The following CMC4 variants were observed in gnomAD, a reference collection of about 807,000 sequenced individuals.
CMC4 encodes the protein cx9C motif-containing protein 4.
In CMC4, 4 loss-of-function variants were observed where a neutral mutation model predicts 5.1. That is an observed-to-expected ratio of 0.78 (90% CI 0.38 to 1.78). The LOEUF is 1.78. Among genes scored for constraint, CMC4 ranks in the 40% most tolerant of loss-of-function variants. The pLI is 0.04. For synonymous variants in CMC4, 23 were observed against 18.9 expected (o/e 1.22, Z -0.57); for missense variants, 52 against 51.3 (o/e 1.01, Z -0.04).
intron 1 of CMC4, chrX:155,065,216 A>G (rs1602749167): frequency 5.4e-6 from 2 of 368,283 alleles, no homozygotes; most frequent in Non-Finnish European, 9.4e-6. Context: ...CTGCCTACGT[A>G]ACCTCTCTCT....
chrX:155,062,202 T>C, intron 2 of CMC4, among the ~76,000 whole-genome samples: 1 of 112,609 alleles, frequency 8.9e-6, no homozygotes, highest in Non-Finnish European at 1.9e-5. Context: ...TTGAAAGCTA[T>C]TTTAATATAT....
chrX:155,061,662 T>A lies in CMC4; in HGVS notation c.*181A>T. 2.1e-6 allele frequency: 1 copy of A among 486,833 alleles called. No homozygotes were observed. The highest frequency in any genetic ancestry group is 3.2e-6 in the Non-Finnish European group (1 of 308,429). The allele number at this position is 486,833 out of a possible 1,213,427, so 40.1% of individuals were successfully genotyped here. A position where few individuals can be genotyped will look rare whatever the true frequency, so the allele number is the denominator to read the frequency against. On this transcript the variant is annotated 3_prime_UTR_variant, in exon 3 of 3. Coordinates refer to ENST00000369484, the MANE Select transcript of CMC4 (RefSeq NM_001018024.3). ...GGTTTATTTTAGCAGCTCAGTATAT[T>A]ACATTCTACATATTTGTCTTTTAAT...
chrX:155,061,702 G>A lies in CMC4; in HGVS notation c.*141C>T. ...TGTCTTTTAATGTGTTTATATTTCT[G>A]CCTGTTCTGCATAGATGGCATATTC... is the stretch of plus-strand genomic sequence containing the variant. On this transcript the variant is annotated 3_prime_UTR_variant, in exon 3 of 3. Transcript: ENST00000369484. The A allele has an allele frequency of 1.7e-6, 1 of 604,364 alleles. No individual in the cohort carries two copies. The highest frequency in any genetic ancestry group is 2.3e-5 in the African/African-American group (1 of 43,975). 49.8% of individuals were successfully genotyped at this position (604,364 alleles called of 1,213,427 possible). A position where few individuals can be genotyped will look rare whatever the true frequency, so the allele number is the denominator to read the frequency against.
intron 2 of CMC4, 107 bp downstream of exon 2, chrX:155,063,859 A>G: frequency 1.7e-6 from 1 of 588,899 alleles, no homozygotes; most frequent in Non-Finnish European, 2.7e-6. Flanking sequence ...ATAATTACAT[A>G]TACGTTACAT....
chrX:155,069,461 G>A (rs2073961237), intron 1 of CMC4, among the ~76,000 whole-genome samples: 1 of 112,002 alleles, frequency 8.9e-6, no homozygotes, highest in South Asian at 3.7e-4. Flanking sequence ...TCTTTATTTA[G>A]CATTTCCTAT....
chrX:155,065,793 A>G (rs781833703), intron 1 of CMC4: 1 of 1,208,260 alleles, frequency 8.3e-7, no homozygotes, highest in Admixed American at 2.2e-5. Context: ...TCGTCTCCTA[A>G]TGGAAAGGAA....
At chrX:155,065,956 C>G in intron 1 of CMC4, 1 of 1,211,934 alleles carries the variant, frequency 8.3e-7, no homozygotes, top group Non-Finnish European at 1.1e-6. Context: ...CGGTAGATAC[C>G]CTCTTGGTGA....
Position 155,061,905 on chromosome X carries a change from C to A in CMC4, c.145G>T (p.Val49Phe). 1 of 1,211,534 alleles carries A rather than the reference C, an allele frequency of 8.3e-7. No homozygotes were observed. Among genetic ancestry groups the A allele is most frequent in the Non-Finnish European group, 1.1e-6 (1 of 895,319 alleles). Residue 49 changes from valine (V) to phenylalanine (F), a missense_variant, in exon 3 of 3, where the codon GTC becomes TTC. Val to Phe is a conservative substitution (Grantham distance 50, BLOSUM62 -1). Coordinates refer to ENST00000369484, the MANE Select transcript of CMC4 (RefSeq NM_001018024.3). ...TCTTCTTTTTCAAATCCTGAACAGACGACAGATCTTCCCTTGGGATACTGA... is the reference window on the plus strand; with the variant it reads ...TCTTCTTTTTCAAATCCTGAACAGAAGACAGATCTTCCCTTGGGATACTGA... ...CAQYPKGRSV[V>F]CSGFEKEEEE...
At chrX:155,067,281 T>C (rs960938201) in intron 1 of CMC4, among the ~76,000 whole-genome samples, 6 of 112,005 alleles carry the variant, frequency 5.4e-5, no homozygotes, top group Non-Finnish European at 9.4e-5. Flanking sequence ...GCTCTCTCAT[T>C]TCAAACTCGT....
chrX:155,064,006 C>T lies in CMC4; in HGVS notation c.18G>A (p.Pro6=), dbSNP rs782263588. ...GTATCTCACAGGCTTGCTTCTGGCA[C>T]GGATCCTTCTGCGGCATATCCAGAA... MPQKD[P]CQKQACEIQK... The change falls in exon 2 of 3, where the codon CCG becomes CCA. Residue 6 remains proline (P), a synonymous_variant. Coordinates refer to ENST00000369484, the MANE Select transcript of CMC4 (RefSeq NM_001018024.3). 1.8e-5 allele frequency: 22 copies of T among 1,193,031 alleles called. No homozygotes were observed. Among genetic ancestry groups the T allele is most frequent in the African/African-American group, 1.1e-4 (6 of 56,184 alleles).
intron 1 of CMC4, chrX:155,065,884 T>G (rs1487252798): frequency 8.3e-7 from 1 of 1,202,064 alleles, no homozygotes; most frequent in Non-Finnish European, 1.1e-6. Flanking sequence ...ATCAAAGAAA[T>G]AAGCAAAATG....
intron 2 of CMC4, among the ~76,000 whole-genome samples, chrX:155,062,373 T>C (rs782096598): frequency 4.5e-5 from 5 of 112,150 alleles, no homozygotes; most frequent in Non-Finnish European, 7.5e-5. Flanking sequence ...CCTCCCCTAC[T>C]AAGGCTGTGC....
intron 1 of CMC4, among the ~76,000 whole-genome samples, chrX:155,068,012 A>C (rs12558406): frequency 1.9e-3 from 212 of 112,423 alleles, no homozygotes; most frequent in South Asian, 3.3e-3. Context: ...AGAAATACAA[A>C]TAAAAACCTG....
chrX:155,064,248 G>T, intron 1 of CMC4: 1 of 270,174 alleles, frequency 3.7e-6, no homozygotes, highest in Non-Finnish European at 6.6e-6. Flanking sequence ...GCTTTACATG[G>T]AAAAAAAACC....
At chrX:155,069,188 A>T (rs1369109947) in intron 1 of CMC4, among the ~76,000 whole-genome samples, 1 of 112,944 alleles carries the variant, frequency 8.9e-6, no homozygotes, top group Non-Finnish European at 1.9e-5. Flanking sequence ...TGTCTTTTTT[A>T]AAAAAGTATA....
chrX:155,065,556 T>G, intron 1 of CMC4: 3 of 1,210,134 alleles, frequency 2.5e-6, no homozygotes, highest in Non-Finnish European at 3.4e-6. Flanking sequence ...AAAAGAAAAG[T>G]TTATGGAGTA....
chrX:155,065,275 C>T, intron 1 of CMC4: 1 of 436,064 alleles, frequency 2.3e-6, no homozygotes, highest in South Asian at 4.0e-5. Context: ...ACTTCTGTTT[C>T]TTGAGCAGTT....
intron 1 of CMC4, among the ~76,000 whole-genome samples, chrX:155,066,451 A>G (rs1200694102): frequency 2.7e-5 from 3 of 112,687 alleles, no homozygotes; most frequent in Non-Finnish European, 5.6e-5. Context: ...GGAAGGCAGT[A>G]TAACAGACAC....
chrX:155,066,077 G>T, intron 1 of CMC4: 1 of 905,497 alleles, frequency 1.1e-6, no homozygotes, highest in Non-Finnish European at 1.6e-6. Flanking sequence ...CCGCGCACAG[G>T]ACACAGGTGT....
Sources: allele counts gnomAD v4.1 joint callset (sites outside exome capture counted in the v4.1 genomes callset), GRCh38; gene constraint gnomAD v4.1.1; transcripts MANE v1.5; gene names NCBI Gene and HGNC (gene_info 2026-07-23, HGNC 2026-07-21).